The following FDFT1 variants were observed in gnomAD, a reference collection of about 807,000 sequenced individuals.
The protein encoded by FDFT1 is farnesyl-diphosphate farnesyltransferase 1.
Under a neutral mutation model 46.8 loss-of-function variants are expected in FDFT1, and 68 were observed. The ratio of observed to expected loss-of-function variants is 1.45; its 90% CI spans 1.19 to 1.78. The LOEUF (loss-of-function observed/expected upper bound fraction) is 1.78, where lower values mean the gene tolerates loss of function less well. FDFT1 is among the 40% of genes most tolerant of loss of function. The pLI, the probability that FDFT1 is intolerant of heterozygous loss-of-function variation, is 0.00. For missense variants in FDFT1, 928 were observed against 524.4 expected, an observed-to-expected ratio of 1.77 and a Z score of -7.52; for synonymous variants, 351 against 185.1, an observed-to-expected ratio of 1.90 and a Z score of -7.28.
upstream of FDFT1, chr8:11,802,073 C>G: frequency 2.2e-6 from 1 of 455,540 alleles, no homozygotes; most frequent in Non-Finnish European, 4.4e-6. Context: ...AAGGCTTCAG[C>G]TCCTTTTTCT....
At chr8:11,800,622 T>C (rs2740449), upstream of FDFT1, among the ~76,000 whole-genome samples, 99,298 of 152,094 alleles carry the variant, frequency 0.65, 33,942 homozygotes, top group South Asian at 0.81. Context: ...ACCTAATGCT[T>C]TCTTGGACCA....
chr8:11,798,867 T>G (rs537724163), upstream of FDFT1, among the ~76,000 whole-genome samples: 7 of 152,304 alleles, frequency 4.6e-5, no homozygotes, highest in African/African-American at 1.7e-4. Flanking sequence ...TTAAAAAATA[T>G]GATTTATCAA....
intron 3 of FDFT1, among the ~76,000 whole-genome samples, chr8:11,821,190 A>G (rs532109378): frequency 3.9e-5 from 6 of 152,402 alleles, no homozygotes; most frequent in Non-Finnish European, 7.3e-5. Context: ...ATCTCATTAT[A>G]CATTGGAAAG....
chr8:11,818,454 A>C (rs752439917), intron 3 of FDFT1, among the ~76,000 whole-genome samples: 1 of 152,218 alleles, frequency 6.6e-6, no homozygotes, highest in Non-Finnish European at 1.5e-5. Flanking sequence ...TAATATTGAC[A>C]GTGGGATGTT....
At position 11,808,790 on chromosome 8, in the gene FDFT1, G is replaced by A. The variant is rs758375331; in HGVS notation, c.100-4G>A. 3 of 1,612,702 alleles carry A rather than the reference G, an allele frequency of 1.9e-6. No individual in the cohort carries two copies. Among genetic ancestry groups the A allele is most frequent in the Admixed American group, 3.3e-5 (2 of 59,954 alleles). ...CCACCGCCGTGTGTGTTGTCTGCCC[G>A]CAGGACTCGCTCAGCAGCAGCCTGA... On this transcript the variant is annotated splice_polypyrimidine_tract_variant and splice_region_variant and intron_variant, in intron 1 of 7. Coordinates refer to ENST00000220584, the MANE Select transcript of FDFT1 (RefSeq NM_004462.5).
intron 7 of FDFT1, among the ~76,000 whole-genome samples, chr8:11,832,130 A>G (rs986233897): frequency 1.2e-4 from 18 of 152,218 alleles, no homozygotes; most frequent in Admixed American, 5.9e-4. Flanking sequence ...AATTTAGGCC[A>G]AGGAAAGCCA....
Position 11,805,363 on chromosome 8 carries a change from A to G in FDFT1, c.99+2432A>G, listed in dbSNP as rs78753167. 6.2e-4 allele frequency among the ~76,000 whole-genome samples: 95 copies of G among 152,354 alleles called. No homozygotes were observed. The East Asian group carries it at 0.017, about 27-fold the overall frequency. ...TTTTTAGGTGCATATCAGTAAATCT[A>G]CGGGCATATGCCGCCTGCAAGTTGT... On this transcript the variant is annotated intron_variant, in intron 1 of 7. Transcript: ENST00000220584.
At chr8:11,829,481 C>T (rs1334678954) in intron 5 of FDFT1, among the ~76,000 whole-genome samples, 1 of 152,222 alleles carries the variant, frequency 6.6e-6, no homozygotes, top group Non-Finnish European at 1.5e-5. Flanking sequence ...CTTTCAGCAG[C>T]TTTCTTACCA....
intron 7 of FDFT1, among the ~76,000 whole-genome samples, chr8:11,835,054 G>T (rs900866900): frequency 6.6e-6 from 1 of 152,158 alleles, no homozygotes; most frequent in African/African-American, 2.4e-5. Context: ...AACTCGGGAG[G>T]TGGAGGTTGT....
Position 11,838,567 on chromosome 8 carries a change from C to A in FDFT1, c.1212C>A (p.Leu404=). ...AALSWQYLTT[L]SQVTEDYVQT... ...TGAGCTGGCAGTACCTGACCACTCT[C>A]TCCCAGGTAACAGAAGACTATGTTC... The change falls in exon 8 of 8, where the codon CTC becomes CTA. Residue 404 remains leucine, a synonymous_variant. Coordinates refer to ENST00000220584, the MANE Select transcript of FDFT1 (RefSeq NM_004462.5). 1 of 1,613,918 alleles carries A rather than the reference C, an allele frequency of 6.2e-7. No individual in the cohort carries two copies. Among genetic ancestry groups the A allele is most frequent in the African/African-American group, 1.3e-5 (1 of 75,044 alleles).
rs753098328 is a variant in FDFT1 at position 11,802,845 on chromosome 8, A to G, written c.13A>G (p.Lys5Glu). ...CGCCTGCGCCAGGATGGAGTTCGTG[A>G]AATGCCTTGGCCACCCCGAAGAGTT... is the stretch of plus-strand genomic sequence containing the variant. Reference protein sequence around the residue: MEFVKCLGHPEEFYN... With the variant: MEFVECLGHPEEFYN... The change falls in exon 1 of 8, where the codon AAA becomes GAA. Residue 5 changes from lysine (K) to glutamate (E), a missense_variant. Transcript: ENST00000220584. The G allele has an allele frequency of 3.7e-6, 6 of 1,610,782 alleles. No individual in the cohort carries two copies. In the South Asian group the frequency reaches 6.6e-5, roughly 18 times the overall value.
chr8:11,831,543 C>G lies in FDFT1; in HGVS notation c.905C>G (p.Ala302Gly), dbSNP rs764712937. 1 of 1,614,038 alleles carries G rather than the reference C, an allele frequency of 6.2e-7. No individual in the cohort carries two copies. ...PQVMAIATLA[A>G]CYNNQQVFKG... ...GTGATGGCCATTGCCACTTTGGCTG[C>G]CTGTTATAATAACCAGCAGGTGTTC... is the stretch of plus-strand genomic sequence containing the variant. Residue 302 changes from alanine to glycine, a missense_variant, in exon 7 of 8, where the codon GCC (alanine) becomes GGC (glycine). Coordinates refer to ENST00000220584, the MANE Select transcript of FDFT1 (RefSeq NM_004462.5).
chr8:11,808,947 A>C, intron 2 of FDFT1, 56 bp downstream of exon 2: 1 of 1,579,324 alleles, frequency 6.3e-7, no homozygotes, highest in Non-Finnish European at 8.6e-7. Context: ...GGGACCTTTG[A>C]GTGTGTTGGA....
chr8:11,801,851 A>G (rs1234398676), upstream of FDFT1: 2 of 415,828 alleles, frequency 4.8e-6, no homozygotes, highest in African/African-American at 4.5e-5. Context: ...CCACCACCAC[A>G]CTCGGCTTTT....
chr8:11,815,325 A>G (rs1345335947), intron 3 of FDFT1, among the ~76,000 whole-genome samples: 2 of 152,178 alleles, frequency 1.3e-5, no homozygotes, highest in Non-Finnish European at 2.9e-5. Context: ...TGCCACAGTA[A>G]ACATACATGT....
intron 3 of FDFT1, among the ~76,000 whole-genome samples, chr8:11,819,929 C>T (rs1300829033): frequency 1.3e-5 from 2 of 152,190 alleles, no homozygotes; most frequent in South Asian, 2.1e-4. Context: ...AAGAGGCGTT[C>T]TGTTTTTGGA....
At chr8:11,815,172 T>C (rs1808279250) in intron 3 of FDFT1, among the ~76,000 whole-genome samples, 1 of 152,206 alleles carries the variant, frequency 6.6e-6, no homozygotes, top group African/African-American at 2.4e-5. Context: ...TCCAGCTTCA[T>C]CCATGTCCCT....
chr8:11,826,116 A>G lies in FDFT1; in HGVS notation c.603A>G (p.Thr201=), dbSNP rs1809949114. The stretch of plus-strand genomic sequence containing the variant: ...AAGACCCCTTAGTTGGTGAAGATAC[A>G]GAACGTGCCAACTCTATGGGCCTGT... ...EFEDPLVGED[T]ERANSMGLFL... Residue 201 remains threonine (T), a synonymous_variant, in exon 5 of 8, where the codon ACA becomes ACG. Coordinates refer to ENST00000220584, the MANE Select transcript of FDFT1 (RefSeq NM_004462.5). 1 of 1,610,166 alleles carries G rather than the reference A, an allele frequency of 6.2e-7. No individual in the cohort carries two copies. Among genetic ancestry groups the G allele is most frequent in the Non-Finnish European group, 8.5e-7 (1 of 1,176,980 alleles).
chr8:11,799,940 AT>A (rs775315882), upstream of FDFT1, among the ~76,000 whole-genome samples: 55 of 103,356 alleles, frequency 5.3e-4, no homozygotes, highest in Non-Finnish European at 4.6e-4. Flanking sequence ...GTGAGACTCC[AT>A]TTAAAAAAAA....
Sources: allele counts gnomAD v4.1 joint callset (sites outside exome capture counted in the v4.1 genomes callset), GRCh38; gene constraint gnomAD v4.1.1; transcripts MANE v1.5; gene names NCBI Gene and HGNC (gene_info 2026-07-23, HGNC 2026-07-21).